KCNU1: variants seen among roughly 807,000 people sequenced by gnomAD.
The protein encoded by KCNU1 is potassium calcium-activated channel subfamily U member 1.
A neutral mutation model predicts 126.8 loss-of-function variants in KCNU1; 93 were observed. The ratio of observed to expected loss-of-function variants is 0.73; its 90% CI spans 0.62 to 0.87. The LOEUF (loss-of-function observed/expected upper bound fraction) is 0.87. KCNU1 is among the 40% of genes least tolerant of loss of function. KCNU1 has a pLI of 0.00. For synonymous variants in KCNU1, 523 were observed against 494.2 expected (o/e 1.06, Z -0.77); for missense variants, 1,330 against 1,367.1 (o/e 0.97, Z 0.43).
chr8:36,787,260 C>T (rs1585370287), intron 1 of KCNU1, 46 bp from the exon 2 acceptor site: 1 of 1,538,364 alleles, frequency 6.5e-7, no homozygotes, highest in South Asian at 1.2e-5. Context: ...AGATTTCTTT[C>T]TCTCAGATCC....
chr8:36,830,990 T>G (rs1804524713), intron 10 of KCNU1, among the ~76,000 whole-genome samples: 2 of 146,324 alleles, frequency 1.4e-5, no homozygotes, highest in Admixed American at 7.1e-5. Flanking sequence ...TTCCCACCTA[T>G]GAGTGAGAAT....
intron 10 of KCNU1, among the ~76,000 whole-genome samples, chr8:36,824,960 A>G (rs1585419843): frequency 6.6e-6 from 1 of 152,284 alleles, no homozygotes; most frequent in Non-Finnish European, 1.5e-5. Context: ...TTGTATATGT[A>G]TCTTGGTACC....
intron 2 of KCNU1, among the ~76,000 whole-genome samples, chr8:36,787,650 A>G (rs974713195): frequency 2.0e-5 from 3 of 148,364 alleles, no homozygotes; most frequent in Non-Finnish European, 4.5e-5. Context: ...TAATTAGATT[A>G]TATTATTATA....
intron 19 of KCNU1, among the ~76,000 whole-genome samples, chr8:36,901,064 A>G (rs780190317): frequency 2.0e-5 from 3 of 151,728 alleles, no homozygotes; most frequent in Non-Finnish European, 4.4e-5. Flanking sequence ...AGTGAGGTCT[A>G]CAAAAGAAAA....
In KCNU1 at chr8:36,814,486, T is replaced by C. The variant is rs1410675009; in HGVS notation, c.903+109T>C. On this transcript the variant is annotated intron_variant, in intron 8 of 26. Transcript: ENST00000399881. Reference sequence around the variant, plus strand: ...GTTTAAGAGTGAATGTTGCATTACTTGGGGCACATGTCAAGGGCAAATGAA... The same window carrying C: ...GTTTAAGAGTGAATGTTGCATTACTCGGGGCACATGTCAAGGGCAAATGAA... 3.1e-5 allele frequency: 24 copies of C among 776,714 alleles called. No individual in the cohort carries two copies. In the South Asian group the frequency reaches 3.8e-4, roughly 12 times the overall value. 48.1% of individuals were successfully genotyped at this position (776,714 alleles called of 1,614,324 possible). A position where few individuals can be genotyped will look rare whatever the true frequency, so the allele number is the denominator to read the frequency against.
At chr8:36,845,727 C>A in intron 17 of KCNU1, 58 bp downstream of exon 17, 2 of 1,423,890 alleles carry the variant, frequency 1.4e-6, no homozygotes, top group Non-Finnish European at 2.0e-6. Flanking sequence ...TAATGGGAGG[C>A]CCACTGAGTC....
rs541488980 is a variant in KCNU1, at chr8:36,835,748, T to C, written c.1296-548T>C. On this transcript the variant is annotated intron_variant, in intron 12 of 26. Transcript: ENST00000399881. ...GTGATAACTGTGATTATGATGACAA[T>C]GGCATTTTGGCTAATCCAGATGAAC... Among the ~76,000 whole-genome samples, 27 of 152,300 alleles carry C rather than the reference T, an allele frequency of 1.8e-4. 1 individual carries two copies. The South Asian group carries it at 3.9e-3, about 22-fold the overall frequency.
At chr8:36,825,740 G>A (rs1406825006) in intron 10 of KCNU1, among the ~76,000 whole-genome samples, 1 of 151,108 alleles carries the variant, frequency 6.6e-6, no homozygotes, top group Non-Finnish European at 1.5e-5. Context: ...GACTAACTCT[G>A]TTGGATGTTG....
intron 2 of KCNU1, among the ~76,000 whole-genome samples, chr8:36,791,050 G>A (rs891234545): frequency 6.6e-6 from 1 of 150,546 alleles, no homozygotes; most frequent in African/African-American, 2.4e-5. Context: ...GTAGGAACGT[G>A]AGAAGGGAAC....
intron 19 of KCNU1, among the ~76,000 whole-genome samples, chr8:36,890,864 T>C (rs1806935496): frequency 6.6e-6 from 1 of 151,958 alleles, no homozygotes; most frequent in African/African-American, 2.4e-5. Context: ...TTATTATTAG[T>C]ATAGCCACTA....
chr8:36,786,112 C>CAAA (rs553860650), intron 1 of KCNU1, among the ~76,000 whole-genome samples: 12 of 93,380 alleles, frequency 1.3e-4, no homozygotes, highest in African/African-American at 4.7e-4. Context: ...TGGACAAATG[C>CAAA]AAAAAAAAAA....
At chr8:36,829,449 G>A (rs1804448698) in intron 10 of KCNU1, among the ~76,000 whole-genome samples, 1 of 151,422 alleles carries the variant, frequency 6.6e-6, no homozygotes, top group South Asian at 2.1e-4. Flanking sequence ...GTAGAGTAAC[G>A]ATGGGGTTTA....
intron 18 of KCNU1, among the ~76,000 whole-genome samples, chr8:36,846,120 T>C (rs1043205415): frequency 2.0e-5 from 3 of 152,182 alleles, no homozygotes; most frequent in Non-Finnish European, 4.4e-5. Context: ...AGCAGGCAAA[T>C]GCATTTTAAG....
intron 10 of KCNU1, among the ~76,000 whole-genome samples, chr8:36,823,836 CTTTT>C (rs11364462): frequency 7.7e-6 from 1 of 129,390 alleles, no homozygotes. Context: ...TTGTTCAAAC[CTTTT>C]TTTTTTTTTT....
intron 17 of KCNU1, 52 bp from the exon 18 acceptor site, chr8:36,845,750 C>T (rs529183750): frequency 6.0e-5 from 88 of 1,475,068 alleles, no homozygotes; most frequent in Non-Finnish European, 8.1e-5. Flanking sequence ...CACCATGCCT[C>T]CTTTGCATTA....
intron 22 of KCNU1, among the ~76,000 whole-genome samples, chr8:36,915,958 G>A (rs915538109): frequency 4.6e-5 from 7 of 151,468 alleles, no homozygotes; most frequent in African/African-American, 1.5e-4. Flanking sequence ...AAAAGAGGAG[G>A]AAGGAAGAAA....
chr8:36,844,530 T>C (rs1323502846), intron 16 of KCNU1, among the ~76,000 whole-genome samples: 2 of 152,228 alleles, frequency 1.3e-5, no homozygotes, highest in African/African-American at 2.4e-5. Flanking sequence ...TATAAGTCAG[T>C]AAATACTCAG....
At chr8:36,917,300 G>GTTTTTC (rs1808150495) in intron 22 of KCNU1, among the ~76,000 whole-genome samples, 1 of 150,934 alleles carries the variant, frequency 6.6e-6, no homozygotes, top group South Asian at 2.1e-4. Context: ...ATTATGGTGT[G>GTTTTTC]TTTTTCTTTT....
At chr8:36,928,394 A>G (rs915796033) in intron 24 of KCNU1, among the ~76,000 whole-genome samples, 10 of 152,122 alleles carry the variant, frequency 6.6e-5, no homozygotes, top group Middle Eastern at 3.4e-3. Context: ...TTGTGGTTCA[A>G]CCTGGATTTA....
Sources: gnomAD v4.1 joint callset for allele counts (sites outside exome capture counted in the v4.1 genomes callset) on GRCh38, gnomAD v4.1.1 for gene constraint, MANE v1.5 for transcripts, NCBI Gene and HGNC (gene_info 2026-07-23, HGNC 2026-07-21) for gene names.